The following SLC12A2 variants were observed in gnomAD, a reference collection of about 807,000 sequenced individuals.
The protein encoded by SLC12A2 is solute carrier family 12 member 2, also known as Na-K-2Cl cotransporter 1.
SLC12A2 carries 67 observed loss-of-function variants against 136.3 expected under a neutral mutation model. The ratio of observed to expected loss-of-function variants is 0.49; its 90% CI spans 0.40 to 0.60. SLC12A2 has a LOEUF of 0.60. Ranked by LOEUF, SLC12A2 falls within the 20% of genes least tolerant of loss-of-function variation. SLC12A2 has a pLI of 0.00. For missense variants in SLC12A2, 1,322 were observed against 1,534.7 expected (o/e 0.86, Z 2.32); for synonymous variants, 619 against 562.9 (o/e 1.10, Z -1.41).
At position 128,151,568 on chromosome 5, in the gene SLC12A2, T is replaced by C. The variant is rs542602391; in HGVS notation, c.2263+172T>C. On this transcript the variant is annotated intron_variant, in intron 14 of 26. Coordinates refer to ENST00000262461, the MANE Select transcript of SLC12A2 (RefSeq NM_001046.3). ...CCAAACTCCTAAAGTTTTTTTTTTT[T>C]CAAATACATGTAGTTTTAATAAAAC... Among the ~76,000 whole-genome samples the C allele has an allele frequency of 5.3e-5, 8 of 151,450 alleles. No individual in the cohort carries two copies. In the East Asian group the frequency reaches 7.8e-4, roughly 15 times the overall value.
intron 11 of SLC12A2, among the ~76,000 whole-genome samples, chr5:128,148,297 A>G (rs1453889086): frequency 1.3e-5 from 2 of 151,762 alleles, no homozygotes; most frequent in East Asian, 1.9e-4. Context: ...TTAATGCTGT[A>G]TTTATAGCCA....
chr5:128,120,873 AAAAT>A (rs956846185), intron 4 of SLC12A2, among the ~76,000 whole-genome samples: 25 of 150,432 alleles, frequency 1.7e-4, no homozygotes, highest in East Asian at 3.9e-4. Flanking sequence ...AATAATAAAT[AAAAT>A]AAATAAAAAT....
At chr5:128,118,533 CATA>C (rs1761437735) in intron 4 of SLC12A2, among the ~76,000 whole-genome samples, 1 of 151,324 alleles carries the variant, frequency 6.6e-6, no homozygotes, top group Non-Finnish European at 1.5e-5. Context: ...GATGCAAAGG[CATA>C]AGAATGATAT....
intron 1 of SLC12A2, chr5:128,109,992 G>A: frequency 9.4e-7 from 1 of 1,059,714 alleles, no homozygotes; most frequent in Non-Finnish European, 1.5e-6. Context: ...TTTCCCTACT[G>A]TGGATCCAGA....
Position 128,084,104 on chromosome 5 carries a change from C to A in SLC12A2, c.150C>A (p.Ser50Arg). The change falls in exon 1 of 27, where the codon AGC becomes AGA. Residue 50 changes from serine (S) to arginine (R), a missense_variant. This residue lies in a region of SLC12A2 where 358 missense variants were observed against 299.7 expected (regional missense o/e 1.19). Coordinates refer to ENST00000262461, the MANE Select transcript of SLC12A2 (RefSeq NM_001046.3). This position sits in a 1 kb window ranked among gnomAD's most constrained non-coding sequence, Gnocchi z 5.6. ...PSVPEDAAPA[S>R]RDGGGVRDEG... ...TGCCGGAGGATGCTGCGCCCGCGAG[C>A]CGGGACGGCGGCGGGGTCCGCGATG... 7.6e-7 allele frequency: 1 copy of A among 1,313,192 alleles called. No homozygotes were observed. Among genetic ancestry groups the A allele is most frequent in the Non-Finnish European group, 9.7e-7 (1 of 1,035,148 alleles). 81.3% of individuals were successfully genotyped at this position (1,313,192 alleles called of 1,614,324 possible).
At position 128,152,526 on chromosome 5, in the gene SLC12A2, T is replaced by C. The variant is rs1351029848; in HGVS notation, c.2264-180T>C. ...TAATACTTTTTCTTTAAATGAATTA[T>C]AGTTCAGATTATCAGTCTTAATATC... On this transcript the variant is annotated intron_variant, in intron 14 of 26. Transcript: ENST00000262461. Among the ~76,000 whole-genome samples the C allele has an allele frequency of 2.6e-5, 4 of 152,258 alleles. No individual in the cohort carries two copies. The East Asian group carries it at 5.8e-4, about 22-fold the overall frequency.
chr5:128,168,614 G>A (rs891295129), intron 18 of SLC12A2: 2 of 152,146 alleles, frequency 1.3e-5, no homozygotes, highest in Non-Finnish European at 2.9e-5. Context: ...TGGGAGTCCT[G>A]AGCTTGTTTT....
intron 6 of SLC12A2, among the ~76,000 whole-genome samples, chr5:128,134,599 A>G (rs1762128306): frequency 6.6e-6 from 1 of 152,090 alleles, no homozygotes; most frequent in Non-Finnish European, 1.5e-5. Flanking sequence ...TTTGTAATTT[A>G]TTTAAAAGTT....
At chr5:128,181,565 A>AC (rs1763708462) in intron 23 of SLC12A2, among the ~76,000 whole-genome samples, 1 of 152,202 alleles carries the variant, frequency 6.6e-6, no homozygotes, top group Non-Finnish European at 1.5e-5. Flanking sequence ...AGACATGGGT[A>AC]CTCAGAAGCA....
chr5:128,156,788 A>C (rs1762884153), intron 15 of SLC12A2, among the ~76,000 whole-genome samples: 1 of 152,110 alleles, frequency 6.6e-6, no homozygotes, highest in African/African-American at 2.4e-5. Context: ...TCATCACTGC[A>C]TCCACAGTCT....
At chr5:128,121,821 C>T (rs748983184) in intron 4 of SLC12A2, among the ~76,000 whole-genome samples, 3 of 152,130 alleles carry the variant, frequency 2.0e-5, no homozygotes, top group East Asian at 1.9e-4. Context: ...TCCTGTTCTA[C>T]GAATCATAGC....
chr5:128,129,418 A>C (rs1367455549), intron 4 of SLC12A2, among the ~76,000 whole-genome samples: 1 of 151,866 alleles, frequency 6.6e-6, no homozygotes, highest in Non-Finnish European at 1.5e-5. Flanking sequence ...ATTTCGTGGA[A>C]AATTTTAAGT....
chr5:128,132,532 A>G (rs1324622956), intron 5 of SLC12A2, among the ~76,000 whole-genome samples: 1 of 152,224 alleles, frequency 6.6e-6, no homozygotes, highest in Non-Finnish European at 1.5e-5. Flanking sequence ...ATCCAAATAG[A>G]GCTGGCTGTA....
chr5:128,182,554 AC>A (rs1763736414), intron 23 of SLC12A2, among the ~76,000 whole-genome samples: 1 of 152,084 alleles, frequency 6.6e-6, no homozygotes, highest in South Asian at 2.1e-4. Flanking sequence ...ATATAGTTTG[AC>A]TAAAATTAAC....
intron 1 of SLC12A2, among the ~76,000 whole-genome samples, chr5:128,091,284 G>A (rs1274645710): frequency 6.6e-6 from 1 of 152,146 alleles, no homozygotes; most frequent in African/African-American, 2.4e-5. Context: ...TCTGTGAGAA[G>A]GGCAGGTTTG....
intron 1 of SLC12A2, among the ~76,000 whole-genome samples, chr5:128,092,667 A>G (rs1316580082): frequency 6.6e-6 from 1 of 152,146 alleles, no homozygotes; most frequent in East Asian, 1.9e-4. Context: ...TTTTTTGTAC[A>G]AAGTTTGAAA....
At chr5:128,100,826 TA>T (rs1490509357) in intron 1 of SLC12A2, among the ~76,000 whole-genome samples, 1 of 152,142 alleles carries the variant, frequency 6.6e-6, no homozygotes, top group Non-Finnish European at 1.5e-5. Flanking sequence ...GTACTCGAAT[TA>T]AAATATTTTC....
chr5:128,181,692 G>A (rs1240343176), intron 23 of SLC12A2, among the ~76,000 whole-genome samples: 2 of 152,044 alleles, frequency 1.3e-5, no homozygotes, highest in Admixed American at 6.6e-5. Flanking sequence ...TTATAATGTA[G>A]CAGTCAAGGC....
chr5:128,140,100 G>A (rs1157679886), intron 9 of SLC12A2, among the ~76,000 whole-genome samples: 2 of 152,134 alleles, frequency 1.3e-5, no homozygotes, highest in East Asian at 3.9e-4. Context: ...CCAGATTCAA[G>A]CAATTCTCGT....
Sources: allele counts gnomAD v4.1 joint callset (sites outside exome capture counted in the v4.1 genomes callset), GRCh38; gene constraint gnomAD v4.1.1; regional missense constraint gnomAD v4.1.1; non-coding constraint Gnocchi (gnomAD v3.1); transcripts MANE v1.5; gene names NCBI Gene and HGNC (gene_info 2026-07-23, HGNC 2026-07-21).